INPP5A: variants seen among roughly 807,000 people sequenced by gnomAD.
INPP5A encodes the protein 43 kDa inositol polyphosphate 5-phophatase.
In INPP5A, 14 loss-of-function variants were observed where a neutral mutation model predicts 65.2. The observed-to-expected ratio is 0.21, with a 90% CI of 0.14 to 0.34. INPP5A has a LOEUF of 0.34. Among genes scored for constraint, INPP5A ranks in the 10% least tolerant of loss-of-function variants. The pLI, the probability that INPP5A is intolerant of heterozygous loss-of-function variation, is 1.00. For missense variants in INPP5A, 431 were observed against 545.6 expected (o/e 0.79, Z 2.09); for synonymous variants, 207 against 208.3 (o/e 0.99, Z 0.05).
At chr10:132,695,008 C>T (rs1845322633) in intron 5 of INPP5A, among the ~76,000 whole-genome samples, 1 of 152,076 alleles carries the variant, frequency 6.6e-6, no homozygotes, top group Non-Finnish European at 1.5e-5. Flanking sequence ...AAAATATAAG[C>T]AGAGGACAAA....
At chr10:132,620,131 C>T (rs1198253220) in intron 2 of INPP5A, among the ~76,000 whole-genome samples, 1 of 152,212 alleles carries the variant, frequency 6.6e-6, no homozygotes, top group African/African-American at 2.4e-5. Context: ...CCCATGAAAC[C>T]ATTCTTTCCT....
At chr10:132,777,535 T>C (rs1847084448) in intron 12 of INPP5A, 136 bp from the exon 13 acceptor site, 4 of 720,060 alleles carry the variant, frequency 5.6e-6, no homozygotes, top group Admixed American at 5.8e-5. Context: ...TTCTAGAAAC[T>C]TCCATGTGTG....
In INPP5A at chr10:132,650,519, G is replaced by A. The variant is rs746218984; in HGVS notation, c.306+14G>A. On this transcript the variant is annotated intron_variant, in intron 4 of 15. Coordinates refer to ENST00000368594, the MANE Select transcript of INPP5A (RefSeq NM_005539.5). This position sits in a 1 kb window ranked among gnomAD's most constrained non-coding sequence, Gnocchi z 5.5. The stretch of plus-strand genomic sequence containing the variant: ...GAGCACTTCACGGTGAGTCCCTCCC[G>A]CTGCCTGGTGCAGGGGTCAGACAGG... 4.4e-6 allele frequency: 7 copies of A among 1,577,788 alleles called. No homozygotes were observed. Among genetic ancestry groups the A allele is most frequent in the East Asian group, 2.2e-5 (1 of 44,704 alleles).
intron 1 of INPP5A, among the ~76,000 whole-genome samples, chr10:132,564,807 G>A (rs948826386): frequency 7.2e-5 from 11 of 152,144 alleles, no homozygotes; most frequent in East Asian, 1.9e-4. Context: ...TGGGAGTTCT[G>A]GTCAGTGGGA....
chr10:132,635,603 G>A (rs546479670), intron 2 of INPP5A, among the ~76,000 whole-genome samples: 1 of 151,620 alleles, frequency 6.6e-6, no homozygotes, highest in East Asian at 1.9e-4. Context: ...CACTGTGTTA[G>A]CCAGGATGGT....
chr10:132,760,708 C>T (rs55992402), intron 11 of INPP5A, among the ~76,000 whole-genome samples: 2,837 of 152,320 alleles, frequency 0.019, 40 homozygotes, highest in South Asian at 0.038. Context: ...CTCATGACGC[C>T]CGGGCCCCTC....
Position 132,698,588 on chromosome 10 carries a change from C to G in INPP5A, c.474+669C>G, listed in dbSNP as rs1222351387. The stretch of plus-strand genomic sequence containing the variant: ...TCACACGCGGCATTGTCGGCGTCTC[C>G]CTGGCTGTGTAGTTAACCTGTCGAG... On this transcript the variant is annotated intron_variant, in intron 6 of 15. Transcript: ENST00000368594. This position sits in a 1 kb window ranked among gnomAD's most constrained non-coding sequence, Gnocchi z 5.5. Among the ~76,000 whole-genome samples the G allele has an allele frequency of 6.6e-6, 1 of 152,206 alleles. No individual in the cohort carries two copies. The highest frequency in any genetic ancestry group is 2.4e-5 in the African/African-American group (1 of 41,452).
rs1389030789 is a variant in INPP5A, at chr10:132,674,189, C to T, written c.307-16203C>T. Among the ~76,000 whole-genome samples the T allele has an allele frequency of 6.6e-6, 1 of 152,238 alleles. No homozygotes were observed. Among genetic ancestry groups the T allele is most frequent in the Non-Finnish European group, 1.5e-5 (1 of 68,046 alleles). On this transcript the variant is annotated intron_variant, in intron 4 of 15. Transcript: ENST00000368594. The surrounding 1 kb of genome is among the most constrained non-coding windows in gnomAD (Gnocchi z 4.4). ...TTGACCACTCAGAGAGGTCTGTCCACATACCTCTTCCCCAGATTTCTTTGT... is the reference window on the plus strand; with the variant it reads ...TTGACCACTCAGAGAGGTCTGTCCATATACCTCTTCCCCAGATTTCTTTGT...
At chr10:132,666,460 CAGTT>C (rs996668185) in intron 4 of INPP5A, among the ~76,000 whole-genome samples, 8 of 152,290 alleles carry the variant, frequency 5.3e-5, no homozygotes, top group Admixed American at 3.3e-4. Context: ...GGAATTTAGA[CAGTT>C]AAAGTATTAA....
intron 1 of INPP5A, among the ~76,000 whole-genome samples, chr10:132,543,812 C>T (rs889094042): frequency 6.6e-6 from 1 of 152,244 alleles, no homozygotes; most frequent in African/African-American, 2.4e-5. Context: ...TTGGCCTGTT[C>T]CCTCCTTCCG....
At chr10:132,631,935 C>T (rs748050244) in intron 2 of INPP5A, among the ~76,000 whole-genome samples, 11 of 152,070 alleles carry the variant, frequency 7.2e-5, no homozygotes, top group South Asian at 2.1e-4. Context: ...AGCTTTGGGC[C>T]GTGACTTCCC....
At chr10:132,720,436 C>A (rs1340953676) in intron 8 of INPP5A, among the ~76,000 whole-genome samples, 11 of 138,170 alleles carry the variant, frequency 8.0e-5, no homozygotes, top group African/African-American at 3.2e-4. Context: ...TCTGTCTGGG[C>A]GCCTTAGACG....
At position 132,678,585 on chromosome 10, in the gene INPP5A, C is replaced by T. The variant is rs1377277272; in HGVS notation, c.307-11807C>T. 6.6e-6 allele frequency among the ~76,000 whole-genome samples: 1 copy of T among 152,144 alleles called. No individual in the cohort carries two copies. Among genetic ancestry groups the T allele is most frequent in the African/African-American group, 2.4e-5 (1 of 41,428 alleles). Reference sequence around the variant, plus strand: ...TGAGCTGCTGCTGCTCAGCCGGGCGCCCAGAGGGTGTGGTGCCTCTCTCAT... The same window carrying T: ...TGAGCTGCTGCTGCTCAGCCGGGCGTCCAGAGGGTGTGGTGCCTCTCTCAT... On this transcript the variant is annotated intron_variant, in intron 4 of 15. Transcript: ENST00000368594. This position sits in a 1 kb window ranked among gnomAD's most constrained non-coding sequence, Gnocchi z 4.1.
intron 9 of INPP5A, among the ~76,000 whole-genome samples, chr10:132,740,267 T>C (rs1846250104): frequency 6.6e-6 from 1 of 152,190 alleles, no homozygotes; most frequent in Non-Finnish European, 1.5e-5. Context: ...TGCGTGCTGG[T>C]TTGTCAGTAG....
At chr10:132,591,906 A>T (rs1214654570) in intron 1 of INPP5A, among the ~76,000 whole-genome samples, 2 of 152,082 alleles carry the variant, frequency 1.3e-5, no homozygotes, top group Non-Finnish European at 2.9e-5. Flanking sequence ...GTCCGAGGGA[A>T]TGACTGGGTT....
intron 1 of INPP5A, among the ~76,000 whole-genome samples, chr10:132,582,507 T>A (rs1318793014): frequency 6.7e-6 from 1 of 149,762 alleles, no homozygotes; most frequent in Non-Finnish European, 1.5e-5. Flanking sequence ...ATCCTTGACC[T>A]CCCGGGCTCA....
chr10:132,577,346 A>C (rs1018611170), intron 1 of INPP5A, among the ~76,000 whole-genome samples: 1 of 152,210 alleles, frequency 6.6e-6, no homozygotes, highest in Non-Finnish European at 1.5e-5. Context: ...ATCTGAGTTA[A>C]GTTTACACAG....
intron 1 of INPP5A, among the ~76,000 whole-genome samples, chr10:132,543,618 A>G (rs899145054): frequency 6.6e-6 from 1 of 152,192 alleles, no homozygotes; most frequent in Non-Finnish European, 1.5e-5. Context: ...AGGTCTCACT[A>G]TGCTGCCTAG....
intron 2 of INPP5A, among the ~76,000 whole-genome samples, chr10:132,634,801 C>T (rs2072321437): frequency 6.6e-6 from 1 of 152,258 alleles, no homozygotes; most frequent in Non-Finnish European, 1.5e-5. Flanking sequence ...TCACGGTGGC[C>T]CTCCCAGGCT....
Sources: allele counts gnomAD v4.1 joint callset (sites outside exome capture counted in the v4.1 genomes callset), GRCh38; gene constraint gnomAD v4.1.1; non-coding constraint Gnocchi (gnomAD v3.1); transcripts MANE v1.5; gene names NCBI Gene and HGNC (gene_info 2026-07-23, HGNC 2026-07-21).